Variants in POFUT3 observed in about 807,000 individuals in gnomAD.
The protein encoded by POFUT3 is protein O-fucosyltransferase 3.
chr8:33,433,590 C>T, the POFUT3 span, among the ~76,000 whole-genome samples: 18 of 141,364 alleles, frequency 1.3e-4, no homozygotes, highest in Non-Finnish European at 2.6e-4. Flanking sequence ...CCAGCCTGGG[C>T]GATAGAGTGA....
At chr8:33,350,999 A>C in the POFUT3 span, among the ~76,000 whole-genome samples, 2 of 152,188 alleles carry the variant, frequency 1.3e-5, no homozygotes, top group Admixed American at 6.5e-5. Flanking sequence ...TTTTTGGGAC[A>C]GAGTCTCACT....
chr8:33,426,995 G>A, the POFUT3 span, among the ~76,000 whole-genome samples: 15 of 152,154 alleles, frequency 9.9e-5, no homozygotes, highest in African/African-American at 3.4e-4. Context: ...GTGACAGAGG[G>A]TACCAACTGC....
the POFUT3 span, chr8:33,460,633 A>T: frequency 1.5e-6 from 1 of 674,398 alleles, no homozygotes; most frequent in South Asian, 6.7e-5. Flanking sequence ...GAAGCCATCC[A>T]ATTTTGACCC....
At chr8:33,357,066 T>C in the POFUT3 span, among the ~76,000 whole-genome samples, 1 of 152,232 alleles carries the variant, frequency 6.6e-6, no homozygotes, top group Non-Finnish European at 1.5e-5. Flanking sequence ...GCTGTTTTGG[T>C]TACTGTAGCC....
the POFUT3 span, among the ~76,000 whole-genome samples, chr8:33,400,749 C>T: frequency 6.6e-6 from 1 of 152,090 alleles, no homozygotes; most frequent in Non-Finnish European, 1.5e-5. Context: ...TTTTGAATCA[C>T]TTTTTGATCT....
chr8:33,466,141 C>G, the POFUT3 span, among the ~76,000 whole-genome samples: 1 of 152,122 alleles, frequency 6.6e-6, no homozygotes, highest in Non-Finnish European at 1.5e-5. Context: ...GTAACTACCA[C>G]TAAAGAACAG....
At chr8:33,410,717 T>C in the POFUT3 span, among the ~76,000 whole-genome samples, 1 of 152,152 alleles carries the variant, frequency 6.6e-6, no homozygotes, top group Non-Finnish European at 1.5e-5. Flanking sequence ...GCCAAACATC[T>C]TCCCAGAATT....
the POFUT3 span, among the ~76,000 whole-genome samples, chr8:33,390,126 G>A: frequency 1.3e-5 from 2 of 152,142 alleles, no homozygotes; most frequent in Admixed American, 6.5e-5. Context: ...AACCCGGGAG[G>A]TGAAGATTGA....
the POFUT3 span, chr8:33,371,388 A>C: frequency 6.6e-6 from 1 of 152,220 alleles, no homozygotes; most frequent in Non-Finnish European, 1.5e-5. Flanking sequence ...AGCCTTCAAT[A>C]CAATGAGAGC....
chr8:33,423,888 T>C, the POFUT3 span, among the ~76,000 whole-genome samples: 2 of 142,454 alleles, frequency 1.4e-5, no homozygotes, highest in South Asian at 4.8e-4. Flanking sequence ...CCTGTAATCC[T>C]AGCACTATTG....
At chr8:33,438,021 C>A in the POFUT3 span, among the ~76,000 whole-genome samples, 1 of 151,920 alleles carries the variant, frequency 6.6e-6, no homozygotes, top group Admixed American at 6.6e-5. Flanking sequence ...ATGTCAATTA[C>A]CTTAAGGATT....
chr8:33,331,472 G>A, the POFUT3 span, among the ~76,000 whole-genome samples: 2 of 152,150 alleles, frequency 1.3e-5, no homozygotes, highest in African/African-American at 4.8e-5. Flanking sequence ...AATTTTGAAA[G>A]ATAAATTCAT....
the POFUT3 span, chr8:33,453,299 C>T: frequency 6.2e-7 from 1 of 1,614,186 alleles, no homozygotes; most frequent in Non-Finnish European, 8.5e-7. Context: ...TCCACATTGG[C>T]CTAACCTCCC....
At chr8:33,429,970 T>A in the POFUT3 span, among the ~76,000 whole-genome samples, 41 of 144,700 alleles carry the variant, frequency 2.8e-4, no homozygotes, top group African/African-American at 1.0e-3. Flanking sequence ...CACCCTAGCC[T>A]GGATGACAGA....
the POFUT3 span, among the ~76,000 whole-genome samples, chr8:33,351,885 A>C: frequency 6.6e-6 from 1 of 152,234 alleles, no homozygotes; most frequent in African/African-American, 2.4e-5. Flanking sequence ...GCCATGACAG[A>C]ATTATATCAT....
chr8:33,453,732 G>A, the POFUT3 span, among the ~76,000 whole-genome samples: 1 of 152,086 alleles, frequency 6.6e-6, no homozygotes, highest in African/African-American at 2.4e-5. Context: ...GATCACTTGA[G>A]ACCAGGAGAT....
At chr8:33,466,942 TA>T in the POFUT3 span, among the ~76,000 whole-genome samples, 2 of 151,978 alleles carry the variant, frequency 1.3e-5, no homozygotes, top group Non-Finnish European at 2.9e-5. Context: ...CTGTCTCTAC[TA>T]AAAATACAAA....
chr8:33,414,649 G>T, the POFUT3 span, among the ~76,000 whole-genome samples: 1 of 152,108 alleles, frequency 6.6e-6, no homozygotes, highest in African/African-American at 2.4e-5. Context: ...TGAGCAGAGA[G>T]AATGCTTTTC....
chr8:33,327,579 G>A, the POFUT3 span, among the ~76,000 whole-genome samples: 2 of 152,040 alleles, frequency 1.3e-5, no homozygotes, highest in African/African-American at 2.4e-5. Context: ...CCAGAAAAAT[G>A]AGGTCATTTA....
Sources: gnomAD v4.1 joint callset for allele counts (sites outside exome capture counted in the v4.1 genomes callset) on GRCh38, gnomAD v4.1.1 for gene constraint, MANE v1.5 for transcripts, NCBI Gene and HGNC (gene_info 2026-07-23, HGNC 2026-07-21) for gene names.